The following MDGA1 variants were observed in gnomAD, a reference collection of about 807,000 sequenced individuals.
MDGA1 encodes MAM domain-containing glycosylphosphatidylinositol anchor protein 1.
A neutral mutation model predicts 101.5 loss-of-function variants in MDGA1; 54 were observed. That is an observed-to-expected ratio of 0.53 (90% CI 0.43 to 0.67). MDGA1 has a LOEUF of 0.67. MDGA1 is among the 30% of genes least tolerant of loss of function. The pLI is 0.00. For missense variants in MDGA1, 1,083 were observed against 1,323.8 expected, an observed-to-expected ratio of 0.82 and a Z score of 2.82; for synonymous variants, 533 against 558.3, an observed-to-expected ratio of 0.95 and a Z score of 0.64.
chr6:37,675,222 G>A (rs1473043442), intron 1 of MDGA1, among the ~76,000 whole-genome samples: 1 of 152,140 alleles, frequency 6.6e-6, no homozygotes, highest in Non-Finnish European at 1.5e-5. Context: ...GGAGGAGTGC[G>A]CTACCTTTTA....
At chr6:37,657,563 C>CA (rs1761520179) in intron 3 of MDGA1, among the ~76,000 whole-genome samples, 1 of 152,212 alleles carries the variant, frequency 6.6e-6, no homozygotes, top group Admixed American at 6.5e-5. Flanking sequence ...GTTCATCACT[C>CA]TACTGAGTCC....
At chr6:37,679,952 G>A (rs1342922179) in intron 1 of MDGA1, among the ~76,000 whole-genome samples, 6 of 152,100 alleles carry the variant, frequency 3.9e-5, no homozygotes, top group African/African-American at 1.2e-4. Flanking sequence ...GCCTCCCTAC[G>A]CTCCCACCTG....
Position 37,635,276 on chromosome 6 carries a change from T to G in MDGA1, c.*2092A>C, listed in dbSNP as rs1275108903. 3 of 395,936 alleles carry G rather than the reference T, an allele frequency of 7.6e-6. No homozygotes were observed. 24.5% of individuals were successfully genotyped at this position (395,936 alleles called of 1,614,324 possible). ...TCCATTCCACCGGGCAATGGAGTGG[T>G]TTCCACACCAGGCTCACTTGTGCTG... On this transcript the variant is annotated 3_prime_UTR_variant, in exon 17 of 17. Coordinates refer to ENST00000434837, the MANE Select transcript of MDGA1 (RefSeq NM_153487.4).
intron 1 of MDGA1, among the ~76,000 whole-genome samples, chr6:37,671,390 T>C (rs1426422484): frequency 6.6e-6 from 1 of 152,118 alleles, no homozygotes; most frequent in East Asian, 1.9e-4. Flanking sequence ...TCTGTAAAAT[T>C]AGTGGAGAAA....
intron 5 of MDGA1, 81 bp from the exon 6 acceptor site, chr6:37,654,624 T>C (rs1761440550): frequency 2.5e-6 from 4 of 1,597,706 alleles, no homozygotes; most frequent in Middle Eastern, 1.7e-4. Context: ...AGGAAAACCA[T>C]AGAGGCTGGA....
Position 37,644,722 on chromosome 6 carries a change from C to A in MDGA1, c.2249-73G>T, listed in dbSNP as rs942416737. ...CTGAGGCCCAGCCTCGCCCCTCTCA[C>A]CCCCCAGAGGCAGCTCCCATGCATC... is the stretch of plus-strand genomic sequence containing the variant. On this transcript the variant is annotated intron_variant, in intron 12 of 16. Coordinates refer to ENST00000434837, the MANE Select transcript of MDGA1 (RefSeq NM_153487.4). 5.8e-6 allele frequency: 8 copies of A among 1,380,756 alleles called. No individual in the cohort carries two copies. In the African/African-American group the frequency reaches 1.2e-4, roughly 21 times the overall value. 85.5% of individuals were successfully genotyped at this position (1,380,756 alleles called of 1,614,324 possible). A position where few individuals can be genotyped will look rare whatever the true frequency, so the allele number is the denominator to read the frequency against.
intron 14 of MDGA1, 128 bp downstream of exon 14, chr6:37,643,681 G>A (rs758067401): frequency 1.3e-4 from 166 of 1,316,464 alleles, no homozygotes; most frequent in Non-Finnish European, 1.6e-4. Flanking sequence ...CCCGTCCAAG[G>A]ACCTCTCATT....
At position 37,652,777 on chromosome 6, in the gene MDGA1, C is replaced by A. The variant is rs2114025662; in HGVS notation, c.983-437G>T. On this transcript the variant is annotated intron_variant, in intron 6 of 16. Coordinates refer to ENST00000434837, the MANE Select transcript of MDGA1 (RefSeq NM_153487.4). The surrounding 1 kb of genome is among the most constrained non-coding windows in gnomAD (Gnocchi z 4.3). ...TCAGAGTCTGAGCTCTTGACCCCTA[C>A]AATGCTTTGTTTTTATCATTGTTTT... Among the ~76,000 whole-genome samples the A allele has an allele frequency of 6.6e-6, 1 of 152,328 alleles. No individual in the cohort carries two copies. Among genetic ancestry groups the A allele is most frequent in the African/African-American group, 2.4e-5 (1 of 41,586 alleles).
At chr6:37,647,529 G>C (rs1045037911) in intron 9 of MDGA1, among the ~76,000 whole-genome samples, 20 of 152,068 alleles carry the variant, frequency 1.3e-4, no homozygotes, top group African/African-American at 4.6e-4. Flanking sequence ...GGGAAAGTGG[G>C]AGATGGAGAC....
intron 1 of MDGA1, among the ~76,000 whole-genome samples, chr6:37,686,074 TCA>T (rs954712380): frequency 1.6e-4 from 24 of 152,166 alleles, no homozygotes; most frequent in African/African-American, 5.6e-4. Flanking sequence ...AGATATTTTC[TCA>T]GATGGGAATG....
rs887732517 is a variant in MDGA1, at chr6:37,638,146, C to T, written c.2776+59G>A. 1.4e-6 allele frequency: 2 copies of T among 1,426,612 alleles called. No homozygotes were observed. Among genetic ancestry groups the T allele is most frequent in the Admixed American group, 1.7e-5 (1 of 57,408 alleles). The allele number at this position is 1,426,612 out of a possible 1,614,324, so 88.4% of individuals were successfully genotyped here. A position where few individuals can be genotyped will look rare whatever the true frequency, so the allele number is the denominator to read the frequency against. ...AACACCCTCCCTCAACAGACAGGAA[C>T]CCCCGCCACGCACAGCTCCCTCCAG... is the stretch of plus-strand genomic sequence containing the variant. On this transcript the variant is annotated intron_variant, in intron 16 of 16. Coordinates refer to ENST00000434837, the MANE Select transcript of MDGA1 (RefSeq NM_153487.4). This position sits in a 1 kb window ranked among gnomAD's most constrained non-coding sequence, Gnocchi z 4.8.
At position 37,655,777 on chromosome 6, in the gene MDGA1, T is replaced by C; in HGVS notation, c.502A>G (p.Ile168Val). Residue 168 changes from isoleucine to valine, a missense_variant, in exon 4 of 17, where the codon ATC becomes GTC. Coordinates refer to ENST00000434837, the MANE Select transcript of MDGA1 (RefSeq NM_153487.4). This position sits in a 1 kb window ranked among gnomAD's most constrained non-coding sequence, Gnocchi z 5.1. ...TVNSNPPARF[I>V]WKRGSDTLSH... ...AGGGTATCGGAACCCCGCTTCCAGA[T>C]GAAGCGGGCAGGCGGGTTGGAGTTG... 6.2e-7 allele frequency: 1 copy of C among 1,613,274 alleles called. No individual in the cohort carries two copies. The highest frequency in any genetic ancestry group is 1.7e-4 in the Middle Eastern group (1 of 6,060).
chr6:37,687,711 A>T (rs1239812394), intron 1 of MDGA1, among the ~76,000 whole-genome samples: 1 of 151,804 alleles, frequency 6.6e-6, no homozygotes, highest in Non-Finnish European at 1.5e-5. Flanking sequence ...GGCTCAAGTG[A>T]TCCTCCCATC....
chr6:37,683,640 G>A (rs1470975712), intron 1 of MDGA1, among the ~76,000 whole-genome samples: 1 of 152,210 alleles, frequency 6.6e-6, no homozygotes, highest in Non-Finnish European at 1.5e-5. Flanking sequence ...GAGGCGGGGT[G>A]GGTGTATACA....
intron 12 of MDGA1, 129 bp downstream of exon 12, chr6:37,645,804 C>G (rs1470068030): frequency 9.1e-7 from 1 of 1,100,426 alleles, no homozygotes; most frequent in Admixed American, 2.0e-5. Context: ...GGCCCTACCC[C>G]ATGGAAACAC....
At chr6:37,682,579 C>CA (rs55925026) in intron 1 of MDGA1, among the ~76,000 whole-genome samples, 58 of 152,296 alleles carry the variant, frequency 3.8e-4, no homozygotes, top group Non-Finnish European at 7.1e-4. Flanking sequence ...CCAGGCTGAT[C>CA]CCCCTCTCTG....
In MDGA1 at chr6:37,649,751, T is replaced by C. The variant is rs182173493; in HGVS notation, c.1609+358A>G. The C allele has an allele frequency of 1.4e-5, 7 of 485,916 alleles. No homozygotes were observed. In the East Asian group the frequency reaches 3.2e-4, roughly 22 times the overall value. 30.1% of individuals were successfully genotyped at this position (485,916 alleles called of 1,614,324 possible). Reference sequence around the variant, plus strand: ...GTTCAATGAGTTAGTGCATTAAAACTCTTAGAACAGTGTTTGGCACATGGT... The same window carrying C: ...GTTCAATGAGTTAGTGCATTAAAACCCTTAGAACAGTGTTTGGCACATGGT... On this transcript the variant is annotated intron_variant, in intron 8 of 16. Coordinates refer to ENST00000434837, the MANE Select transcript of MDGA1 (RefSeq NM_153487.4).
chr6:37,660,668 T>C (rs1761601788), intron 2 of MDGA1, among the ~76,000 whole-genome samples: 1 of 152,216 alleles, frequency 6.6e-6, no homozygotes, highest in African/African-American at 2.4e-5. Flanking sequence ...TCTCTTCCAA[T>C]ATTTAATTTT....
intron 14 of MDGA1, among the ~76,000 whole-genome samples, chr6:37,640,380 C>T (rs1342681656): frequency 6.6e-6 from 1 of 151,428 alleles, no homozygotes; most frequent in Non-Finnish European, 1.5e-5. Flanking sequence ...GGGGGCGGTG[C>T]GGGGACAGGG....
Sources: allele counts gnomAD v4.1 joint callset (sites outside exome capture counted in the v4.1 genomes callset), GRCh38; gene constraint gnomAD v4.1.1; non-coding constraint Gnocchi (gnomAD v3.1); transcripts MANE v1.5; gene names NCBI Gene and HGNC (gene_info 2026-07-23, HGNC 2026-07-21).